The following ALDH1A3 variants were observed in gnomAD, a reference collection of about 807,000 sequenced individuals.
ALDH1A3 encodes the protein aldehyde dehydrogenase 1 family member A3, also known as retinaldehyde dehydrogenase 3.
In ALDH1A3, 28 loss-of-function variants were observed where a neutral mutation model predicts 57.5. The ratio of observed to expected loss-of-function variants is 0.49; its 90% confidence interval spans 0.36 to 0.67. The LOEUF (loss-of-function observed/expected upper bound fraction) is 0.67, where lower values mean the gene tolerates loss of function less well. ALDH1A3 is among the 30% of genes least tolerant of loss of function. The pLI, the probability that ALDH1A3 is intolerant of heterozygous loss-of-function variation, is 0.00. For missense variants in ALDH1A3, 507 were observed against 669.4 expected, an observed-to-expected ratio of 0.76 and a Z score of 2.68; for synonymous variants, 281 against 264.8, an observed-to-expected ratio of 1.06 and a Z score of -0.59.
At chr15:100,913,081 C>A (rs1324911638) in intron 12 of ALDH1A3, 1 of 35,062 alleles carries the variant, frequency 2.9e-5, no homozygotes, top group Non-Finnish European at 6.3e-5. Flanking sequence ...TGGCGTGAAC[C>A]CGGGAGGCGG....
At chr15:100,892,425 T>G in intron 3 of ALDH1A3, 85 bp from the exon 4 acceptor site, 1 of 1,587,132 alleles carries the variant, frequency 6.3e-7, no homozygotes, top group Non-Finnish European at 8.6e-7. Flanking sequence ...GACTGTGTTC[T>G]CTCCCCAACT....
chr15:100,899,547 C>T (rs2041745141), intron 8 of ALDH1A3, among the ~76,000 whole-genome samples: 1 of 152,160 alleles, frequency 6.6e-6, no homozygotes, highest in South Asian at 2.1e-4. Context: ...AACCAGCATC[C>T]CAGGCAAGAC....
Position 100,894,132 on chromosome 15 carries a change from T to C in ALDH1A3, c.666+50T>C, listed in dbSNP as rs200559159. ...CACATGTTCTTGGTAACATTCCCAC[T>C]CCTAGGAACCAGGCCACCGTCACGA... On this transcript the variant is annotated intron_variant, in intron 6 of 12. Transcript: ENST00000329841. This position sits in a 1 kb window ranked among gnomAD's most constrained non-coding sequence, Gnocchi z 4.5. The C allele has an allele frequency of 6.2e-7, 1 of 1,600,420 alleles. No individual in the cohort carries two copies. Among genetic ancestry groups the C allele is most frequent in the Non-Finnish European group, 8.5e-7 (1 of 1,172,692 alleles).
In ALDH1A3 at chr15:100,880,023, TC is replaced by T; in HGVS notation, c.99+20del. 1 of 1,435,812 alleles carries T rather than the reference TC, an allele frequency of 7.0e-7. No individual in the cohort carries two copies. 88.9% of individuals were successfully genotyped at this position (1,435,812 alleles called of 1,614,324 possible). On this transcript the variant is annotated intron_variant, in intron 1 of 12. Coordinates refer to ENST00000329841, the MANE Select transcript of ALDH1A3 (RefSeq NM_000693.4). ...TTCACCAAGGTGAGGCGGGCGCCCC[TC>T]CCACCCGACGGCCGCGGGCCCCTGC...
chr15:100,904,189 G>C (rs145907816), intron 9 of ALDH1A3, among the ~76,000 whole-genome samples: 116 of 150,204 alleles, frequency 7.7e-4, no homozygotes, highest in African/African-American at 2.6e-3. Context: ...TTTTAAACTG[G>C]GTTTGGAGTT....
intron 3 of ALDH1A3, among the ~76,000 whole-genome samples, chr15:100,888,309 G>A (rs925484359): frequency 6.6e-6 from 1 of 152,036 alleles, no homozygotes; most frequent in Non-Finnish European, 1.5e-5. Flanking sequence ...ATGTTGGCCA[G>A]GTCTTGAACT....
intron 1 of ALDH1A3, among the ~76,000 whole-genome samples, chr15:100,884,843 C>T (rs1220344215): frequency 1.3e-5 from 2 of 152,112 alleles, no homozygotes; most frequent in Non-Finnish European, 2.9e-5. Flanking sequence ...CGTCCTTACC[C>T]TTCAGGGGCA....
chr15:100,892,686 T>TAC (rs1393942541), intron 4 of ALDH1A3, 47 bp downstream of exon 4: 1 of 1,566,468 alleles, frequency 6.4e-7, no homozygotes, highest in Non-Finnish European at 8.6e-7. Flanking sequence ...TTTGGGGCTA[T>TAC]ATCTTTTCAT....
chr15:100,888,161 C>T (rs868743865), intron 3 of ALDH1A3, among the ~76,000 whole-genome samples: 9 of 152,048 alleles, frequency 5.9e-5, no homozygotes, highest in Non-Finnish European at 1.0e-4. Context: ...TGCAGTGGCG[C>T]GATCTCGGCT....
rs374254045 is a variant in ALDH1A3 at position 100,893,038 on chromosome 15, A to G, written c.537+32A>G. On this transcript the variant is annotated intron_variant, in intron 5 of 12. Transcript: ENST00000329841. The surrounding 1 kb of genome is among the most constrained non-coding windows in gnomAD (Gnocchi z 4.8). ...ATGGCAGCCTTTCTCAGTAGATTCT[A>G]TGTAGATCCTGCCCCACTGCCCTGT... The G allele has an allele frequency of 1.8e-5, 28 of 1,592,194 alleles. No individual in the cohort carries two copies. In the African/African-American group the frequency reaches 3.0e-4, roughly 17 times the overall value.
chr15:100,908,419 A>G lies in ALDH1A3; in HGVS notation c.1403A>G (p.Tyr468Cys), dbSNP rs2041847909. The G allele has an allele frequency of 6.2e-7, 1 of 1,613,772 alleles. No homozygotes were observed. Among genetic ancestry groups the G allele is most frequent in the Non-Finnish European group, 8.5e-7 (1 of 1,179,776 alleles). Residue 468 changes from tyrosine (Y) to cysteine (C), a missense_variant, in exon 12 of 13, where the codon TAC (tyrosine) becomes TGC (cysteine). This residue lies in a region of ALDH1A3 where 432 missense variants were observed against 608.4 expected (regional missense o/e 0.71). Coordinates refer to ENST00000329841, the MANE Select transcript of ALDH1A3 (RefSeq NM_000693.4). ...CCATTCTTTTCTAGGATCAACTGCT[A>G]CAACGCCCTCTATGCACAGGCTCCA... ...LESGTVWINC[Y>C]NALYAQAPFG...
At chr15:100,891,159 G>A (rs948307876) in intron 3 of ALDH1A3, among the ~76,000 whole-genome samples, 1 of 152,326 alleles carries the variant, frequency 6.6e-6, no homozygotes, top group East Asian at 1.9e-4. Flanking sequence ...CACCATGGGC[G>A]GGCACTGTGG....
At chr15:100,900,504 C>T (rs2041755328) in intron 8 of ALDH1A3, 71 bp from the exon 9 acceptor site, 1 of 1,398,212 alleles carries the variant, frequency 7.2e-7, no homozygotes, top group Non-Finnish European at 9.8e-7. Context: ...TTGCAGCTGT[C>T]ACCAGTCCTG....
In ALDH1A3 at chr15:100,887,172, A is replaced by G. The variant is rs1240214066; in HGVS notation, c.205-400A>G. On this transcript the variant is annotated intron_variant, in intron 2 of 12. Coordinates refer to ENST00000329841, the MANE Select transcript of ALDH1A3 (RefSeq NM_000693.4). This position sits in a 1 kb window ranked among gnomAD's most constrained non-coding sequence, Gnocchi z 4.6. ...CGCTCCCAGCCATTCAAGTGATTGA[A>G]AAACATGCTGCTGCTTGCAGCCTGT... 1.3e-5 allele frequency among the ~76,000 whole-genome samples: 2 copies of G among 152,248 alleles called. No homozygotes were observed.
chr15:100,901,590 T>C (rs2041769329), intron 9 of ALDH1A3, among the ~76,000 whole-genome samples: 2 of 152,202 alleles, frequency 1.3e-5, no homozygotes, highest in African/African-American at 2.4e-5. Flanking sequence ...GGCCCTGGGT[T>C]TTATGAAAGT....
At chr15:100,883,360 C>T (rs965562552) in intron 1 of ALDH1A3, among the ~76,000 whole-genome samples, 1 of 152,232 alleles carries the variant, frequency 6.6e-6, no homozygotes, top group Non-Finnish European at 1.5e-5. Context: ...TGCTGGATGG[C>T]AAAAGTGAAC....
intron 11 of ALDH1A3, 142 bp from the exon 12 acceptor site, chr15:100,908,266 G>A: frequency 1.5e-6 from 1 of 661,190 alleles, no homozygotes; most frequent in Non-Finnish European, 2.6e-6. Context: ...AAAGTTGAGA[G>A]CACCCTGTGT....
In ALDH1A3 at chr15:100,889,323, C is replaced by T. The variant is rs1339237782; in HGVS notation, c.345+1611C>T. Among the ~76,000 whole-genome samples the T allele has an allele frequency of 1.3e-5, 2 of 152,294 alleles. No individual in the cohort carries two copies. The highest frequency in any genetic ancestry group is 4.1e-4 in the South Asian group (2 of 4,826). ...GAATGTGTTTCTCAGGGTGGAGGAACTCTCAGGCCGTACTCTTGGGTGCAT... is the reference window on the plus strand; with the variant it reads ...GAATGTGTTTCTCAGGGTGGAGGAATTCTCAGGCCGTACTCTTGGGTGCAT... On this transcript the variant is annotated intron_variant, in intron 3 of 12. Coordinates refer to ENST00000329841, the MANE Select transcript of ALDH1A3 (RefSeq NM_000693.4). This position sits in a 1 kb window ranked among gnomAD's most constrained non-coding sequence, Gnocchi z 5.1.
chr15:100,885,717 C>T (rs1012269129), intron 2 of ALDH1A3, among the ~76,000 whole-genome samples: 1 of 149,242 alleles, frequency 6.7e-6, no homozygotes, highest in Admixed American at 6.7e-5. Flanking sequence ...TTCCAGAAAG[C>T]ATTTCCCGCT....
Sources: gnomAD v4.1 joint callset for allele counts (sites outside exome capture counted in the v4.1 genomes callset) on GRCh38, gnomAD v4.1.1 for gene constraint, gnomAD v4.1.1 regional missense constraint, Gnocchi (gnomAD v3.1) non-coding constraint, MANE v1.5 for transcripts, NCBI Gene and HGNC (gene_info 2026-07-23, HGNC 2026-07-21) for gene names.